The following MRTFA variants were observed in gnomAD, a reference collection of about 807,000 sequenced individuals.
The protein encoded by MRTFA is myocardin-related transcription factor A.
MRTFA carries 20 observed loss-of-function variants against 83.5 expected under a neutral mutation model. The observed-to-expected ratio is 0.24, with a 90% CI of 0.17 to 0.35. The LOEUF (loss-of-function observed/expected upper bound fraction) is 0.35, where lower values mean the gene tolerates loss of function less well. MRTFA is among the 10% of genes least tolerant of loss of function. The pLI is 1.00. For synonymous variants in MRTFA, 659 were observed against 541.2 expected, an observed-to-expected ratio of 1.22 and a Z score of -3.02; for missense variants, 1,200 against 1,224.7, an observed-to-expected ratio of 0.98 and a Z score of 0.30.
chr22:40,556,860 A>C (rs1245698567), intron 2 of MRTFA, among the ~76,000 whole-genome samples: 3 of 152,222 alleles, frequency 2.0e-5, no homozygotes, highest in Non-Finnish European at 2.9e-5. Flanking sequence ...GACTAAAAAA[A>C]AGACTTCAAC....
intron 4 of MRTFA, among the ~76,000 whole-genome samples, chr22:40,454,192 A>G (rs1490112068): frequency 6.6e-6 from 1 of 152,212 alleles, no homozygotes; most frequent in Non-Finnish European, 1.5e-5. Context: ...GCTAGAGTGC[A>G]GTGGCACAAT....
At chr22:40,575,481 T>G (rs1205455463) in intron 2 of MRTFA, among the ~76,000 whole-genome samples, 2 of 152,214 alleles carry the variant, frequency 1.3e-5, no homozygotes, top group Non-Finnish European at 2.9e-5. Context: ...GTCAAATATT[T>G]AAAAAATTAT....
chr22:40,586,729 T>C, intron 2 of MRTFA: 1 of 286,030 alleles, frequency 3.5e-6, no homozygotes. Flanking sequence ...TCCTCTGTGG[T>C]AGGTTTTTTT....
intron 4 of MRTFA, among the ~76,000 whole-genome samples, chr22:40,437,832 TACA>T (rs1423487215): frequency 2.6e-5 from 4 of 152,092 alleles, no homozygotes; most frequent in Non-Finnish European, 5.9e-5. Flanking sequence ...CGTTTACATT[TACA>T]ACATGTCCCC....
intron 1 of MRTFA, among the ~76,000 whole-genome samples, chr22:40,629,795 A>T (rs1226311534): frequency 6.6e-6 from 1 of 151,426 alleles, no homozygotes; most frequent in African/African-American, 2.4e-5. Context: ...AAAAAAAAAA[A>T]AAAAATTAGC....
intron 3 of MRTFA, among the ~76,000 whole-genome samples, chr22:40,499,262 C>T (rs1234292094): frequency 6.6e-6 from 1 of 152,118 alleles, no homozygotes; most frequent in East Asian, 1.9e-4. Context: ...AAATCTATCA[C>T]CCAAAATAGG....
intron 4 of MRTFA, 79 bp from the exon 5 acceptor site, chr22:40,435,633 T>A: frequency 6.6e-7 from 1 of 1,516,814 alleles, no homozygotes; most frequent in Non-Finnish European, 9.2e-7. Context: ...GGAGAAGGCA[T>A]CTTAAATTCA....
chr22:40,598,871 A>C (rs1335560665), intron 1 of MRTFA, among the ~76,000 whole-genome samples: 2 of 151,720 alleles, frequency 1.3e-5, no homozygotes, highest in Non-Finnish European at 2.9e-5. Context: ...CACGCCTATA[A>C]TCCCAGCTAC....
intron 1 of MRTFA, among the ~76,000 whole-genome samples, chr22:40,600,306 A>G (rs957895238): frequency 6.6e-6 from 1 of 152,216 alleles, no homozygotes; most frequent in African/African-American, 2.4e-5. Flanking sequence ...CAAGAGTCTT[A>G]AAGGAGTCAA....
At chr22:40,441,979 C>T (rs1297370954) in intron 4 of MRTFA, among the ~76,000 whole-genome samples, 3 of 152,038 alleles carry the variant, frequency 2.0e-5, no homozygotes, top group Non-Finnish European at 4.4e-5. Flanking sequence ...TAATCTGGCA[C>T]TGAAGAGTAA....
chr22:40,635,239 C>A (rs1017831417), intron 1 of MRTFA, among the ~76,000 whole-genome samples: 1 of 152,164 alleles, frequency 6.6e-6, no homozygotes, highest in Non-Finnish European at 1.5e-5. Flanking sequence ...ACCACCTCAC[C>A]CCCGGGAGAT....
At chr22:40,437,947 C>G (rs535648957) in intron 4 of MRTFA, among the ~76,000 whole-genome samples, 1 of 152,274 alleles carries the variant, frequency 6.6e-6, no homozygotes, top group South Asian at 2.1e-4. Context: ...TAATTATTCA[C>G]TCGATGAATT....
intron 3 of MRTFA, among the ~76,000 whole-genome samples, chr22:40,543,016 G>A (rs929174116): frequency 2.0e-5 from 3 of 152,230 alleles, no homozygotes; most frequent in Non-Finnish European, 2.9e-5. Context: ...AACATGTGAT[G>A]AATAAGTAAG....
intron 3 of MRTFA, among the ~76,000 whole-genome samples, chr22:40,505,962 G>A (rs185145808): frequency 3.2e-4 from 49 of 152,258 alleles, no homozygotes; most frequent in Admixed American, 2.7e-3. Flanking sequence ...GGCCAGGCGC[G>A]GTGGCTCACA....
rs748122443 is a variant in MRTFA, at chr22:40,411,458, G to C, written c.3028C>G (p.Pro1010Ala). 1 of 1,601,098 alleles carries C rather than the reference G, an allele frequency of 6.2e-7. No individual in the cohort carries two copies. Among genetic ancestry groups the C allele is most frequent in the Non-Finnish European group, 8.5e-7 (1 of 1,169,766 alleles). Residue 1010 changes from proline to alanine, a missense_variant, in exon 15 of 15, where the codon CCC (proline) becomes GCC (alanine). Physicochemically the swap from Pro to Ala is conservative, Grantham distance 27. Around this residue, in one of 2 missense-constraint regions of MRTFA, gnomAD observed 1,107 missense variants for 1,041.8 expected, o/e 1.06. Coordinates refer to ENST00000355630, the MANE Select transcript of MRTFA (RefSeq NM_020831.6). ...AGGAAGTCTGTGGAGAAGAGGCTGG[G>C]GGCTGTGGTGCTGAGGGGGGCTAGG...
At position 40,443,519 on chromosome 22, in the gene MRTFA, G is replaced by T. The variant is rs917466770; in HGVS notation, c.308-7965C>A. 2.6e-4 allele frequency among the ~76,000 whole-genome samples: 39 copies of T among 149,928 alleles called. 1 individual carries two copies. Among genetic ancestry groups the T allele is most frequent in the Admixed American group, 2.4e-3 (36 of 14,980 alleles). The stretch of plus-strand genomic sequence containing the variant: ...TCATATATCCAGGCTTAAAGCTGAA[G>T]ATGTTGGCAACCCAAAAATGCCAAT... On this transcript the variant is annotated intron_variant, in intron 4 of 14. Transcript: ENST00000355630.
At chr22:40,417,214 A>T in intron 13 of MRTFA, 127 bp downstream of exon 13, 1 of 1,415,624 alleles carries the variant, frequency 7.1e-7, no homozygotes, top group Non-Finnish European at 9.6e-7. Flanking sequence ...CCCACTCCCC[A>T]AGGCCTCTCT....
At chr22:40,603,663 T>C (rs771713191) in intron 1 of MRTFA, among the ~76,000 whole-genome samples, 36 of 152,092 alleles carry the variant, frequency 2.4e-4, no homozygotes, top group Non-Finnish European at 4.4e-4. Flanking sequence ...CTGAATTACT[T>C]ACAGATGAAA....
intron 3 of MRTFA, among the ~76,000 whole-genome samples, chr22:40,541,520 C>T (rs2055290299): frequency 6.6e-6 from 1 of 152,156 alleles, no homozygotes; most frequent in African/African-American, 2.4e-5. Flanking sequence ...GCTACAGGTC[C>T]TGAGGCAGCT....
Sources: allele counts gnomAD v4.1 joint callset (sites outside exome capture counted in the v4.1 genomes callset), GRCh38; gene constraint gnomAD v4.1.1; regional missense constraint gnomAD v4.1.1; transcripts MANE v1.5; gene names NCBI Gene and HGNC (gene_info 2026-07-23, HGNC 2026-07-21).